The following DNAAF11 variants were observed in gnomAD, a reference collection of about 807,000 sequenced individuals.
The protein encoded by DNAAF11 is leucine rich repeat containing 6.
In DNAAF11, 45 loss-of-function variants were observed where a neutral mutation model predicts 60.8. That is an observed-to-expected ratio of 0.74 (90% CI 0.58 to 0.95). The LOEUF (loss-of-function observed/expected upper bound fraction) is 0.95. DNAAF11 is among the 40% of genes least tolerant of loss of function. The pLI is 0.00. For synonymous variants in DNAAF11, 191 were observed against 183.5 expected, an observed-to-expected ratio of 1.04 and a Z score of -0.33; for missense variants, 546 against 546.2, an observed-to-expected ratio of 1.00 and a Z score of 0.00.
chr8:132,651,564 T>G (rs1375348653), intron 3 of DNAAF11, among the ~76,000 whole-genome samples: 2 of 152,114 alleles, frequency 1.3e-5, no homozygotes, highest in African/African-American at 4.8e-5. Flanking sequence ...AAAGACCTGT[T>G]CAGGTAAAAG....
At chr8:132,691,421 TC>T in the DNAAF11 span, among the ~76,000 whole-genome samples, 1 of 152,178 alleles carries the variant, frequency 6.6e-6, no homozygotes, top group African/African-American at 2.4e-5. Context: ...GTTTCATATC[TC>T]CAGTCCTAGA....
the DNAAF11 span, among the ~76,000 whole-genome samples, chr8:132,697,346 A>T: frequency 6.6e-6 from 1 of 152,186 alleles, no homozygotes; most frequent in Non-Finnish European, 1.5e-5. Context: ...AGCAGTTTTT[A>T]AAAAATATCC....
intron 3 of DNAAF11, among the ~76,000 whole-genome samples, chr8:132,654,201 TAAC>T (rs899098185): frequency 2.1e-4 from 32 of 152,080 alleles, no homozygotes; most frequent in African/African-American, 7.7e-4. Context: ...ATAATAATAA[TAAC>T]ATAAATTCAT....
the DNAAF11 span, among the ~76,000 whole-genome samples, chr8:132,695,950 G>A: frequency 6.6e-6 from 1 of 152,194 alleles, no homozygotes; most frequent in Non-Finnish European, 1.5e-5. Context: ...AAGGTGTCAG[G>A]ACCAGTGGAA....
chr8:132,612,214 G>A (rs1454100586), intron 8 of DNAAF11, among the ~76,000 whole-genome samples: 4 of 152,054 alleles, frequency 2.6e-5, no homozygotes, highest in Admixed American at 1.3e-4. Flanking sequence ...CTACTAACAC[G>A]TAGCCCTAAG....
At chr8:132,612,558 A>G (rs1818775866) in intron 8 of DNAAF11, among the ~76,000 whole-genome samples, 1 of 152,046 alleles carries the variant, frequency 6.6e-6, no homozygotes, top group Non-Finnish European at 1.5e-5. Context: ...CCCATCCCTG[A>G]ACACTGTCCC....
chr8:132,693,412 T>C, the DNAAF11 span, among the ~76,000 whole-genome samples: 2 of 151,654 alleles, frequency 1.3e-5, no homozygotes, highest in African/African-American at 4.9e-5. Flanking sequence ...TATGTAAGTA[T>C]ATAAAAACAT....
At chr8:132,675,438 T>A (rs1019751458) in intron 1 of DNAAF11, 46 bp downstream of exon 1, 1 of 1,547,640 alleles carries the variant, frequency 6.5e-7, no homozygotes, top group Non-Finnish European at 8.8e-7. Context: ...CCGGGACTAC[T>A]TCCACAAGGG....
chr8:132,572,362 G>T lies in DNAAF11; in HGVS notation c.1345C>A (p.Pro449Thr). 1.9e-6 allele frequency: 3 copies of T among 1,613,982 alleles called. No homozygotes were observed. Among genetic ancestry groups the T allele is most frequent in the Non-Finnish European group, 2.5e-6 (3 of 1,179,910 alleles). The part of the protein sequence containing the change: ...PRRRPEPKII[P>T]SEEDPTFEDN... ...TCAAAGGTTGGGTCTTCCTCACTTG[G>T]TATAATTTTGGGTTCAGGTCGTCTT... Residue 449 changes from proline (P) to threonine (T), a missense_variant, in exon 12 of 12, where the codon CCA (proline) becomes ACA (threonine). Transcript: ENST00000620350.
upstream of DNAAF11, among the ~76,000 whole-genome samples, chr8:132,676,461 GT>G (rs1825764367): frequency 6.6e-6 from 1 of 152,150 alleles, no homozygotes; most frequent in Non-Finnish European, 1.5e-5. Context: ...TATGTAAAAG[GT>G]AAAACCTTCT....
rs772056068 is a variant in DNAAF11 at position 132,610,253 on chromosome 8, C to T, written c.1053G>A (p.Gln351=). 6.2e-7 allele frequency: 1 copy of T among 1,610,184 alleles called. No homozygotes were observed. The highest frequency in any genetic ancestry group is 2.2e-5 in the East Asian group (1 of 44,832). The change falls in exon 10 of 12, where the codon CAG becomes CAA. Residue 351 remains glutamine, a synonymous_variant. Transcript: ENST00000620350. The part of the protein sequence containing the change: ...VRVMIKGKPF[Q]LVLPAEVKPD... ...GTTTCACTTCTGCAGGAAGGACAAG[C>T]TGAAATGGCTGAAAATAAGTAGAAA...
chr8:132,689,557 TTG>T, the DNAAF11 span, among the ~76,000 whole-genome samples: 1 of 151,790 alleles, frequency 6.6e-6, no homozygotes, highest in African/African-American at 2.4e-5. Flanking sequence ...ACTCTTTTTA[TTG>T]TTTTTATTAC....
At chr8:132,587,732 T>A (rs986448560) in intron 10 of DNAAF11, among the ~76,000 whole-genome samples, 3 of 152,234 alleles carry the variant, frequency 2.0e-5, no homozygotes, top group African/African-American at 7.2e-5. Flanking sequence ...TGTAATCAAC[T>A]ACTTGAAAAT....
chr8:132,702,136 A>G, the DNAAF11 span: 1 of 152,238 alleles, frequency 6.6e-6, no homozygotes, highest in African/African-American at 2.4e-5. Context: ...ATGCCACTAT[A>G]TAAGCTTACT....
chr8:132,611,215 C>A, intron 9 of DNAAF11, 79 bp downstream of exon 9: 2 of 1,045,784 alleles, frequency 1.9e-6, no homozygotes, highest in Non-Finnish European at 2.9e-6. Flanking sequence ...TTTAATAATA[C>A]TTAAAAACAT....
the DNAAF11 span, among the ~76,000 whole-genome samples, chr8:132,702,471 C>A: frequency 6.6e-6 from 1 of 152,128 alleles, no homozygotes; most frequent in African/African-American, 2.4e-5. Flanking sequence ...TAAGCCTCAG[C>A]CCACAGTTAG....
chr8:132,684,718 T>C, the DNAAF11 span, among the ~76,000 whole-genome samples: 1 of 152,216 alleles, frequency 6.6e-6, no homozygotes, highest in Non-Finnish European at 1.5e-5. Flanking sequence ...CAAGGACAAA[T>C]TCTTTGCTAC....
At chr8:132,697,409 G>A in the DNAAF11 span, among the ~76,000 whole-genome samples, 265 of 152,270 alleles carry the variant, frequency 1.7e-3, 1 homozygote, top group African/African-American at 6.1e-3. Context: ...CTTGAGGTCA[G>A]GAGTTTGAGA....
At chr8:132,643,911 T>C (rs953012010) in intron 3 of DNAAF11, among the ~76,000 whole-genome samples, 1 of 152,174 alleles carries the variant, frequency 6.6e-6, no homozygotes, top group Non-Finnish European at 1.5e-5. Flanking sequence ...ATGCTAAAAA[T>C]ATAAATTGTG....
Sources: gnomAD v4.1 joint callset for allele counts (sites outside exome capture counted in the v4.1 genomes callset) on GRCh38, gnomAD v4.1.1 for gene constraint, MANE v1.5 for transcripts, NCBI Gene and HGNC (gene_info 2026-07-23, HGNC 2026-07-21) for gene names.